INSR: variants seen among roughly 807,000 people sequenced by gnomAD.
INSR encodes IR.
In INSR, 67 loss-of-function variants were observed where a neutral mutation model predicts 142.6. That is an observed-to-expected ratio of 0.47 (90% CI 0.39 to 0.58). The LOEUF (loss-of-function observed/expected upper bound fraction) is 0.58. Among genes scored for constraint, INSR ranks in the 20% least tolerant of loss-of-function variants. INSR has a pLI of 0.00. For missense variants in INSR, 1,248 were observed against 1,833.2 expected (o/e 0.68, Z 5.83); for synonymous variants, 756 against 743.1 (o/e 1.02, Z -0.28).
intron 3 of INSR, among the ~76,000 whole-genome samples, chr19:7,178,716 C>T (rs920569051): frequency 3.4e-5 from 5 of 146,800 alleles, no homozygotes; most frequent in African/African-American, 1.3e-4. Flanking sequence ...GAGACTCCGT[C>T]TCAAAACAAA....
At chr19:7,162,030 T>A (rs1973762222) in intron 9 of INSR, among the ~76,000 whole-genome samples, 1 of 150,938 alleles carries the variant, frequency 6.6e-6, no homozygotes. Flanking sequence ...AAAAAGAAGT[T>A]TAAAAATTAG....
At position 7,168,218 on chromosome 19, in the gene INSR, A is replaced by C. The variant is rs1466225348; in HGVS notation, c.1484-124T>G. ...CAGAGGTGACGCTGCTATTCCCTTAAGGGTCTCCTCCCCATGTGCCTGGCT... is the reference window on the plus strand; with the variant it reads ...CAGAGGTGACGCTGCTATTCCCTTACGGGTCTCCTCCCCATGTGCCTGGCT... On this transcript the variant is annotated intron_variant, in intron 6 of 21. Transcript: ENST00000302850. This position sits in a 1 kb window ranked among gnomAD's most constrained non-coding sequence, Gnocchi z 4.3. 7.2e-6 allele frequency: 7 copies of C among 975,218 alleles called. No individual in the cohort carries two copies. The highest frequency in any genetic ancestry group is 1.1e-5 in the Non-Finnish European group (7 of 626,948). 60.4% of individuals were successfully genotyped at this position (975,218 alleles called of 1,614,324 possible). A position where few individuals can be genotyped will look rare whatever the true frequency, so the allele number is the denominator to read the frequency against.
intron 2 of INSR, among the ~76,000 whole-genome samples, chr19:7,251,618 G>A (rs548223269): frequency 2.6e-5 from 4 of 151,920 alleles, no homozygotes; most frequent in African/African-American, 9.7e-5. Context: ...TCACACTTGG[G>A]TGATAAAACT....
rs1222013683 is a variant in INSR at position 7,166,119 on chromosome 19, T to C, written c.1861+35A>G. Reference sequence around the variant, plus strand: ...GCCTATTAAAAGCAAGAGGTCTGATTCACATACGAATTCACATTCCCAAGA... The same window carrying C: ...GCCTATTAAAAGCAAGAGGTCTGATCCACATACGAATTCACATTCCCAAGA... On this transcript the variant is annotated intron_variant, in intron 8 of 21. Coordinates refer to ENST00000302850, the MANE Select transcript of INSR (RefSeq NM_000208.4). The surrounding 1 kb of genome is among the most constrained non-coding windows in gnomAD (Gnocchi z 4.1). The C allele has an allele frequency of 1.2e-6, 2 of 1,613,288 alleles. No individual in the cohort carries two copies. Among genetic ancestry groups the C allele is most frequent in the Non-Finnish European group, 1.7e-6 (2 of 1,179,554 alleles).
chr19:7,217,077 C>T (rs1975459485), intron 2 of INSR, among the ~76,000 whole-genome samples: 2 of 151,250 alleles, frequency 1.3e-5, no homozygotes, highest in Non-Finnish European at 2.9e-5. Context: ...AAGAAATCGT[C>T]CCACCTTGGC....
rs1012974746 is a variant in INSR, at chr19:7,125,914, G to A, written c.3014-387C>T. Among the ~76,000 whole-genome samples, 3 of 152,122 alleles carry A rather than the reference G, an allele frequency of 2.0e-5. No homozygotes were observed. The highest frequency in any genetic ancestry group is 7.2e-5 in the African/African-American group (3 of 41,432). The stretch of plus-strand genomic sequence containing the variant: ...TTGTAATAGGTTGGGGAAAAAAAAA[G>A]CCAGGATACTTGGAGCTCTTCCCAT... On this transcript the variant is annotated intron_variant, in intron 16 of 21. Coordinates refer to ENST00000302850, the MANE Select transcript of INSR (RefSeq NM_000208.4). This position sits in a 1 kb window ranked among gnomAD's most constrained non-coding sequence, Gnocchi z 4.9.
At position 7,125,670 on chromosome 19, in the gene INSR, C is replaced by A. The variant is rs962411170; in HGVS notation, c.3014-143G>T. ...TCCAGGACCCATGCCGGGCACTGGG[C>A]ATATGGCCGAGAACAGGACAGGCAT... On this transcript the variant is annotated intron_variant, in intron 16 of 21. Coordinates refer to ENST00000302850, the MANE Select transcript of INSR (RefSeq NM_000208.4). This position sits in a 1 kb window ranked among gnomAD's most constrained non-coding sequence, Gnocchi z 4.9. The A allele has an allele frequency of 3.7e-5, 41 of 1,119,240 alleles. No homozygotes were observed. The highest frequency in any genetic ancestry group is 4.6e-5 in the African/African-American group (3 of 65,178). The allele number at this position is 1,119,240 out of a possible 1,614,324, so 69.3% of individuals were successfully genotyped here. A position where few individuals can be genotyped will look rare whatever the true frequency, so the allele number is the denominator to read the frequency against.
intron 2 of INSR, among the ~76,000 whole-genome samples, chr19:7,195,931 CT>C (rs903162924): frequency 2.2e-3 from 122 of 54,808 alleles, no homozygotes; most frequent in Admixed American, 6.6e-3. Context: ...TCTTTTCTTT[CT>C]TTTTTTTTTT....
chr19:7,178,440 G>T (rs1479798607), intron 3 of INSR, among the ~76,000 whole-genome samples: 2 of 152,114 alleles, frequency 1.3e-5, no homozygotes, highest in Non-Finnish European at 1.5e-5. Context: ...TGGATACTGG[G>T]CCGGGTGCAG....
At chr19:7,292,007 A>G (rs1211592713) in intron 1 of INSR, among the ~76,000 whole-genome samples, 2 of 151,442 alleles carry the variant, frequency 1.3e-5, no homozygotes, top group Non-Finnish European at 2.9e-5. Context: ...GTTAGCCAGG[A>G]TGGTCGTGAT....
Position 7,122,209 on chromosome 19 carries a change from C to T in INSR, c.3529+405G>A, listed in dbSNP as rs147704021. Among the ~76,000 whole-genome samples the T allele has an allele frequency of 6.6e-5, 10 of 151,008 alleles. No homozygotes were observed. In the East Asian group the frequency reaches 1.4e-3, roughly 21 times the overall value. Reference sequence around the variant, plus strand: ...CTGTAATCCCAGCACTTTGGGAGGCCGAGGCAGGAGGATCACGAGGTCAGG... The same window carrying T: ...CTGTAATCCCAGCACTTTGGGAGGCTGAGGCAGGAGGATCACGAGGTCAGG... On this transcript the variant is annotated intron_variant, in intron 19 of 21. Transcript: ENST00000302850.
At chr19:7,132,593 CT>C (rs759007156) in intron 13 of INSR, among the ~76,000 whole-genome samples, 1,585 of 144,280 alleles carry the variant, frequency 0.011, 14 homozygotes, top group Admixed American at 0.015. Flanking sequence ...TTTTCTTTTC[CT>C]TTTTTTTTTT....
rs1444265725 is a variant in INSR, at chr19:7,246,910, C to CCCTGTGTTGCCCCAGTTAACA, written c.652+20434_652+20435insTGTTAACTGGGGCAACACAGG. On this transcript the variant is annotated intron_variant, in intron 2 of 21. Coordinates refer to ENST00000302850, the MANE Select transcript of INSR (RefSeq NM_000208.4). ...CAGCAAAAGCTAGCTGATACAAGCT[C>CCCTGTGTTGCCCCAGTTAACA]CATGAATGAACTTGGATACAAGTTC... Among the ~76,000 whole-genome samples, 67 of 123,690 alleles carry CCCTGTGTTGCCCCAGTTAACA rather than the reference C, an allele frequency of 5.4e-4. 1 individual carries two copies. The highest frequency in any genetic ancestry group is 3.0e-3 in the African/African-American group (54 of 17,994). The allele number at this position is 123,690 out of a possible 152,430, so 81.1% of individuals were successfully genotyped here.
intron 9 of INSR, among the ~76,000 whole-genome samples, chr19:7,155,645 G>A (rs1010175985): frequency 1.1e-4 from 16 of 151,440 alleles, no homozygotes; most frequent in African/African-American, 3.9e-4. Context: ...AGGTACAGTG[G>A]CTCTTGCCTG....
chr19:7,206,592 G>A (rs948752698), intron 2 of INSR, among the ~76,000 whole-genome samples: 1 of 152,146 alleles, frequency 6.6e-6, no homozygotes, highest in African/African-American at 2.4e-5. Context: ...GATCTGGGTT[G>A]CACGCTCTTT....
Position 7,267,233 on chromosome 19 carries a change from T to A in INSR, c.652+112A>T. 8.8e-7 allele frequency: 1 copy of A among 1,136,358 alleles called. No homozygotes were observed. The highest frequency in any genetic ancestry group is 1.3e-5 in the South Asian group (1 of 77,780). 70.4% of individuals were successfully genotyped at this position (1,136,358 alleles called of 1,614,324 possible). On this transcript the variant is annotated intron_variant, in intron 2 of 21. Transcript: ENST00000302850. The surrounding 1 kb of genome is among the most constrained non-coding windows in gnomAD (Gnocchi z 6.3). ...TGGGCTAGTGAATGCCACCACCCACTATTCCCCGGCCCCTACCTAATGACC... is the reference window on the plus strand; with the variant it reads ...TGGGCTAGTGAATGCCACCACCCACAATTCCCCGGCCCCTACCTAATGACC...
At chr19:7,206,404 T>G (rs1975105063) in intron 2 of INSR, among the ~76,000 whole-genome samples, 1 of 152,052 alleles carries the variant, frequency 6.6e-6, no homozygotes, top group Admixed American at 6.6e-5. Context: ...AACCAGCCAG[T>G]TAGGAACCAG....
chr19:7,242,284 C>A (rs1394541154), intron 2 of INSR, among the ~76,000 whole-genome samples: 1 of 151,912 alleles, frequency 6.6e-6, no homozygotes, highest in African/African-American at 2.4e-5. Context: ...CTTGAGGATC[C>A]CTTTAGCCCA....
chr19:7,229,332 AGATG>A (rs1162772377), intron 2 of INSR, among the ~76,000 whole-genome samples: 9 of 81,996 alleles, frequency 1.1e-4, no homozygotes, highest in East Asian at 1.2e-3. Context: ...ATGGATGGAT[AGATG>A]GATGGATGGA....
Sources: gnomAD v4.1 joint callset for allele counts (sites outside exome capture counted in the v4.1 genomes callset) on GRCh38, gnomAD v4.1.1 for gene constraint, Gnocchi (gnomAD v3.1) non-coding constraint, MANE v1.5 for transcripts, NCBI Gene and HGNC (gene_info 2026-07-23, HGNC 2026-07-21) for gene names.